VSTM2B: variants seen among roughly 807,000 people sequenced by gnomAD.
The protein encoded by VSTM2B is V-set and transmembrane domain containing 2B, also known as V-set and transmembrane domain-containing protein 2B.
In VSTM2B, 24 loss-of-function variants were observed where a neutral mutation model predicts 24.0. The ratio of observed to expected loss-of-function variants is 1.00; its 90% confidence interval spans 0.72 to 1.40. The LOEUF (loss-of-function observed/expected upper bound fraction) is 1.40. Among genes scored for constraint, VSTM2B ranks in the 40% most tolerant of loss-of-function variants. The pLI is 0.00. For missense variants in VSTM2B, 399 were observed against 416.4 expected, an observed-to-expected ratio of 0.96 and a Z score of 0.36; for synonymous variants, 226 against 194.4, an observed-to-expected ratio of 1.16 and a Z score of -1.35.
intron 4 of VSTM2B, among the ~76,000 whole-genome samples, chr19:29,563,475 T>C (rs1467425672): frequency 4.6e-5 from 7 of 152,080 alleles, no homozygotes; most frequent in Non-Finnish European, 1.5e-5. Flanking sequence ...GCTCCTGGGC[T>C]CAAGTGATCC....
chr19:29,553,725 C>T (rs181066257), intron 4 of VSTM2B, among the ~76,000 whole-genome samples: 15 of 152,184 alleles, frequency 9.9e-5, no homozygotes, highest in South Asian at 4.2e-4. Flanking sequence ...AGAGAGGAAC[C>T]GAAATGACCT....
intron 4 of VSTM2B, among the ~76,000 whole-genome samples, chr19:29,553,432 C>A (rs1228270774): frequency 6.6e-6 from 1 of 152,202 alleles, no homozygotes; most frequent in African/African-American, 2.4e-5. Flanking sequence ...AAAAAAGTCC[C>A]TGCAAGAAAA....
chr19:29,563,781 T>G, intron 4 of VSTM2B, 65 bp from the exon 5 acceptor site: 6 of 1,429,524 alleles, frequency 4.2e-6, no homozygotes, highest in Non-Finnish European at 4.8e-6. Context: ...GTTCCTGGTC[T>G]GCTGTGAGCT....
At chr19:29,563,568 G>T (rs1416312735) in intron 4 of VSTM2B, among the ~76,000 whole-genome samples, 3 of 152,134 alleles carry the variant, frequency 2.0e-5, no homozygotes, top group African/African-American at 7.2e-5. Context: ...TTAAAATAAG[G>T]TAATGACTTG....
intron 4 of VSTM2B, among the ~76,000 whole-genome samples, chr19:29,553,834 A>G (rs1211135281): frequency 4.6e-5 from 7 of 152,232 alleles, no homozygotes; most frequent in South Asian, 2.1e-4. Context: ...GAGCTTGAAG[A>G]CTATCTCACT....
chr19:29,530,839 C>T (rs1277582115), intron 4 of VSTM2B, among the ~76,000 whole-genome samples: 4 of 152,108 alleles, frequency 2.6e-5, no homozygotes, highest in African/African-American at 4.8e-5. Flanking sequence ...CAGGATGGCC[C>T]TAGGCAGCAG....
intron 4 of VSTM2B, among the ~76,000 whole-genome samples, chr19:29,533,472 G>C (rs1388400310): frequency 6.6e-6 from 1 of 152,102 alleles, no homozygotes; most frequent in Non-Finnish European, 1.5e-5. Flanking sequence ...GTCTCCTTTG[G>C]GGTGCCCAGA....
intron 4 of VSTM2B, among the ~76,000 whole-genome samples, chr19:29,556,223 A>G (rs373346583): frequency 1.3e-5 from 2 of 152,180 alleles, no homozygotes; most frequent in South Asian, 4.1e-4. Context: ...CACCACAATC[A>G]AGTCAGCTTC....
chr19:29,547,456 G>A (rs1159578042), intron 4 of VSTM2B, among the ~76,000 whole-genome samples: 1 of 152,204 alleles, frequency 6.6e-6, no homozygotes, highest in Non-Finnish European at 1.5e-5. Flanking sequence ...TCCTAAAGGT[G>A]CTGGGTTCTG....
In VSTM2B at chr19:29,529,853, G is replaced by A. The variant is rs377294454; in HGVS notation, c.332G>A (p.Arg111Gln). The A allele has an allele frequency of 7.0e-5, 109 of 1,550,026 alleles. No homozygotes were observed. The African/African-American group carries it at 1.4e-3, about 19-fold the overall frequency. Residue 111 changes from arginine (R) to glutamine (Q), a missense_variant, in exon 4 of 5, where the codon CGG (arginine) becomes CAG (glutamine). Transcript: ENST00000335523. ...VRVQGNDISH[R>Q]LRLSAVRLQD... Reference sequence around the variant, plus strand: ...GTCCAGGGCAATGACATCTCACACCGGCTTCGGCTGTCTGCCGTGCGGCTG... The same window carrying A: ...GTCCAGGGCAATGACATCTCACACCAGCTTCGGCTGTCTGCCGTGCGGCTG...
chr19:29,538,013 T>C (rs1415903090), intron 4 of VSTM2B, among the ~76,000 whole-genome samples: 1 of 152,044 alleles, frequency 6.6e-6, no homozygotes, highest in African/African-American at 2.4e-5. Flanking sequence ...ACCATCGCAT[T>C]CTCTCCTGAC....
chr19:29,562,504 C>T lies in VSTM2B; in HGVS notation c.770-1342C>T, dbSNP rs137979044. Among the ~76,000 whole-genome samples the T allele has an allele frequency of 3.7e-4, 57 of 152,310 alleles. 1 individual carries two copies. The East Asian group carries it at 7.5e-3, about 20-fold the overall frequency. ...GGTCTCCCACACCCCTCCTCACAGG[C>T]ACGGGGCTGCAGCCCAGCTGGTGGG... On this transcript the variant is annotated intron_variant, in intron 4 of 4. Coordinates refer to ENST00000335523, the MANE Select transcript of VSTM2B (RefSeq NM_001146339.2).
chr19:29,539,807 G>A (rs1368455), intron 4 of VSTM2B, among the ~76,000 whole-genome samples: 3,331 of 152,312 alleles, frequency 0.022, 125 homozygotes, highest in African/African-American at 0.076. Context: ...GTGTAAGCAG[G>A]CTGCCGGCCA....
intron 4 of VSTM2B, among the ~76,000 whole-genome samples, chr19:29,559,330 A>G (rs1270257856): frequency 6.6e-6 from 1 of 152,238 alleles, no homozygotes; most frequent in African/African-American, 2.4e-5. Context: ...ATGAAGCTGG[A>G]AATCACCATT....
chr19:29,545,198 C>G (rs1302438600), intron 4 of VSTM2B, among the ~76,000 whole-genome samples: 1 of 151,954 alleles, frequency 6.6e-6, no homozygotes, highest in Non-Finnish European at 1.5e-5. Flanking sequence ...CATGATGGCA[C>G]TGGGAGGCAG....
rs1238842590 is a variant in VSTM2B at position 29,563,898 on chromosome 19, T to A, written c.822T>A (p.Ala274=). Residue 274 remains alanine (A), a synonymous_variant, in exon 5 of 5, where the codon GCT becomes GCA. Transcript: ENST00000335523. Reference sequence around the variant, plus strand: ...CACTCTTGTCCCTGCTCCTGTTAGCTCTGCATAAGTTCCTGCGCCTGCTCT... The same window carrying A: ...CACTCTTGTCCCTGCTCCTGTTAGCACTGCATAAGTTCCTGCGCCTGCTCT... ...TDPLLSLLLL[A]LHKFLRLLLG... 1 of 1,552,342 alleles carries A rather than the reference T, an allele frequency of 6.4e-7. No individual in the cohort carries two copies. The highest frequency in any genetic ancestry group is 2.0e-5 in the Admixed American group (1 of 51,012).
intron 4 of VSTM2B, among the ~76,000 whole-genome samples, chr19:29,538,901 A>G (rs1383108804): frequency 1.3e-5 from 2 of 152,064 alleles, no homozygotes; most frequent in Non-Finnish European, 2.9e-5. Flanking sequence ...CACCTCCAAC[A>G]CTGGGGATCA....
chr19:29,564,000 C>A lies in VSTM2B; in HGVS notation c.*66C>A. The stretch of plus-strand genomic sequence containing the variant: ...CCTGCCCGGGGCCCTCGGTGAGGAC[C>A]ATGTCGCTGGATGGACACAGAGAGA... On this transcript the variant is annotated 3_prime_UTR_variant, in exon 5 of 5. Transcript: ENST00000335523. The A allele has an allele frequency of 7.8e-7, 1 of 1,277,426 alleles. No individual in the cohort carries two copies. Among genetic ancestry groups the A allele is most frequent in the Non-Finnish European group, 1.1e-6 (1 of 897,352 alleles). 79.1% of individuals were successfully genotyped at this position (1,277,426 alleles called of 1,614,324 possible).
intron 4 of VSTM2B, among the ~76,000 whole-genome samples, chr19:29,538,885 G>A (rs369204825): frequency 2.3e-4 from 35 of 152,220 alleles, no homozygotes; most frequent in African/African-American, 6.5e-4. Flanking sequence ...ACCTCCCACC[G>A]GGACCCACCT....
Sources: allele counts gnomAD v4.1 joint callset (sites outside exome capture counted in the v4.1 genomes callset), GRCh38; gene constraint gnomAD v4.1.1; transcripts MANE v1.5; gene names NCBI Gene and HGNC (gene_info 2026-07-23, HGNC 2026-07-21).